DEFB124: variants seen among roughly 807,000 people sequenced by gnomAD.
The protein encoded by DEFB124 is beta-defensin 124.
For synonymous variants in DEFB124, 38 were observed against 36.5 expected (o/e 1.04, Z -0.15); for missense variants, 78 against 83.1 (o/e 0.94, Z 0.24).
intron 1 of DEFB124, among the ~76,000 whole-genome samples, chr20:31,473,819 A>G (rs1188055607): frequency 6.6e-6 from 1 of 152,238 alleles, no homozygotes; most frequent in Non-Finnish European, 1.5e-5. Context: ...AGATGAGAGT[A>G]TGGGTGGGTC....
At chr20:31,470,302 G>A (rs376284000) in intron 2 of DEFB124, among the ~76,000 whole-genome samples, 5 of 142,234 alleles carry the variant, frequency 3.5e-5, no homozygotes, top group East Asian at 2.2e-4. Flanking sequence ...CGGGCAGAGG[G>A]GTTCCTCACT....
At chr20:31,472,819 A>G in intron 2 of DEFB124, 137 bp downstream of exon 2, 3 of 1,108,406 alleles carry the variant, frequency 2.7e-6, no homozygotes, top group Non-Finnish European at 1.2e-6. Context: ...TAAGTTGCCC[A>G]CCAAGTCAGT....
In DEFB124 at chr20:31,465,923, G is replaced by A. The variant is rs535968942; in HGVS notation, c.59-260C>T. On this transcript the variant is annotated intron_variant, in intron 2 of 2. Transcript: ENST00000317676. ...TGTAATCCCAGCACTTTGGGAGGCT[G>A]AGGCAGGCAGATCACCTGAGGTCAG... is the stretch of plus-strand genomic sequence containing the variant. Among the ~76,000 whole-genome samples the A allele has an allele frequency of 2.0e-5, 3 of 152,308 alleles. No homozygotes were observed. In the East Asian group the frequency reaches 5.8e-4, roughly 29 times the overall value.
At chr20:31,470,842 C>T (rs1448623059) in intron 2 of DEFB124, among the ~76,000 whole-genome samples, 2 of 144,846 alleles carry the variant, frequency 1.4e-5, no homozygotes, top group Non-Finnish European at 3.1e-5. Flanking sequence ...CTGATCCCCC[C>T]ACCTCCCTCC....
chr20:31,472,855 T>G, intron 2 of DEFB124, 101 bp downstream of exon 2: 1 of 1,420,456 alleles, frequency 7.0e-7, no homozygotes, highest in Non-Finnish European at 9.3e-7. Context: ...TAAATGCTGA[T>G]AGAGGCCCCT....
chr20:31,465,587 C>A lies in DEFB124; in HGVS notation c.135G>T (p.Met45Ile). 1 of 1,614,204 alleles carries A rather than the reference C, an allele frequency of 6.2e-7. No homozygotes were observed. Among genetic ancestry groups the A allele is most frequent in the Non-Finnish European group, 8.5e-7 (1 of 1,180,040 alleles). ...ACAGGGACGCATCCGGGCACAGGTG[C>A]ATGTAAGTTTCTTGCCTTGTGCAGT... Reference protein sequence around the residue: ...QTYCTRQETYMHLCPDASLCC... With the variant: ...QTYCTRQETYIHLCPDASLCC... The change falls in exon 3 of 3, where the codon ATG (methionine) becomes ATT (isoleucine). Residue 45 changes from methionine (M) to isoleucine (I), a missense_variant. Physicochemically the swap from Met to Ile is conservative, Grantham distance 10. Coordinates refer to ENST00000317676, the MANE Select transcript of DEFB124 (RefSeq NM_001037500.2).
At chr20:31,468,632 C>T (rs1038750001) in intron 2 of DEFB124, among the ~76,000 whole-genome samples, 3 of 152,084 alleles carry the variant, frequency 2.0e-5, no homozygotes, top group South Asian at 2.1e-4. Context: ...CCCACCACCA[C>T]GCCCAACTAA....
In DEFB124 at chr20:31,474,802, C is replaced by T. The variant is rs550446228; in HGVS notation, c.-201G>A. On this transcript the variant is annotated 5_prime_UTR_variant, in exon 1 of 3. Coordinates refer to ENST00000317676, the MANE Select transcript of DEFB124 (RefSeq NM_001037500.2). ...AGCTCTCTCTTCCTCCAAGCCACCT[C>T]CCAAAATTAATTCTTCATCCAGAGC... 1.6e-4 allele frequency among the ~76,000 whole-genome samples: 25 copies of T among 152,340 alleles called. No individual in the cohort carries two copies. The South Asian group carries it at 5.2e-3, about 32-fold the overall frequency.
chr20:31,470,249 G>A (rs1980205054), intron 2 of DEFB124, among the ~76,000 whole-genome samples: 1 of 146,232 alleles, frequency 6.8e-6, no homozygotes, highest in African/African-American at 2.5e-5. Context: ...TGGCCGGGCG[G>A]GGGGCTGACC....
intron 2 of DEFB124, among the ~76,000 whole-genome samples, chr20:31,470,515 C>T (rs1600567590): frequency 2.3e-5 from 3 of 129,124 alleles, no homozygotes; most frequent in African/African-American, 5.9e-5. Flanking sequence ...TGGGCAGAGG[C>T]GCCCCTCACT....
intron 2 of DEFB124, among the ~76,000 whole-genome samples, chr20:31,468,699 T>C (rs1317561177): frequency 6.6e-6 from 1 of 152,058 alleles, no homozygotes; most frequent in Non-Finnish European, 1.5e-5. Context: ...ATGGTCTCCA[T>C]CTCTTGACCT....
At chr20:31,467,430 A>T (rs73116272) in intron 2 of DEFB124, among the ~76,000 whole-genome samples, 12,597 of 152,170 alleles carry the variant, frequency 0.083, 621 homozygotes, top group Non-Finnish European at 0.11. Context: ...CCCAGCTCAG[A>T]CCTCCTGGGT....
At chr20:31,468,921 G>A (rs118117155) in intron 2 of DEFB124, among the ~76,000 whole-genome samples, 10,836 of 152,146 alleles carry the variant, frequency 0.071, 446 homozygotes, top group Non-Finnish European at 0.092. Context: ...AGACTAGCCT[G>A]AGCAACATAG....
At chr20:31,469,054 C>A (rs1387626443) in intron 2 of DEFB124, among the ~76,000 whole-genome samples, 6 of 152,186 alleles carry the variant, frequency 3.9e-5, no homozygotes, top group African/African-American at 1.4e-4. Flanking sequence ...GTTTAAAACT[C>A]ACCTTATTTA....
intron 2 of DEFB124, among the ~76,000 whole-genome samples, chr20:31,472,396 AGAGAGG>A (rs1980353935): frequency 6.9e-6 from 1 of 144,476 alleles, no homozygotes; most frequent in African/African-American, 2.6e-5. Flanking sequence ...GACAGTGGAA[AGAGAGG>A]GAGAGGGAGA....
intron 2 of DEFB124, among the ~76,000 whole-genome samples, chr20:31,468,248 C>G (rs963379987): frequency 7.2e-5 from 11 of 152,228 alleles, no homozygotes; most frequent in African/African-American, 2.7e-4. Context: ...ATCACCCTGC[C>G]TCAGGGCCTT....
chr20:31,468,741 C>A (rs1278011277), intron 2 of DEFB124, among the ~76,000 whole-genome samples: 2 of 152,064 alleles, frequency 1.3e-5, no homozygotes, highest in Non-Finnish European at 2.9e-5. Context: ...TCCCAAAGTG[C>A]TGGGATTACA....
intron 2 of DEFB124, among the ~76,000 whole-genome samples, chr20:31,470,678 G>A (rs1435409483): frequency 7.3e-6 from 1 of 137,166 alleles, no homozygotes; most frequent in Admixed American, 7.1e-5. Context: ...CCTCCCTCCC[G>A]GACAGGGCGG....
chr20:31,467,701 G>A (rs951523325), intron 2 of DEFB124, among the ~76,000 whole-genome samples: 1 of 152,092 alleles, frequency 6.6e-6, no homozygotes, highest in African/African-American at 2.4e-5. Context: ...ACTAAGTGGT[G>A]GGTCTGGAAC....
Sources: allele counts gnomAD v4.1 joint callset (sites outside exome capture counted in the v4.1 genomes callset), GRCh38; gene constraint gnomAD v4.1.1; transcripts MANE v1.5; gene names NCBI Gene and HGNC (gene_info 2026-07-23, HGNC 2026-07-21).